HHLA1: variants seen among roughly 807,000 people sequenced by gnomAD.
HHLA1 encodes HHLA1 neighbor of OC90.
In HHLA1, 72 loss-of-function variants were observed where a neutral mutation model predicts 69.9. The observed-to-expected ratio is 1.03, with a 90% CI of 0.85 to 1.25. The LOEUF is 1.25. Among genes scored for constraint, HHLA1 ranks in the 50% most tolerant of loss-of-function variants. HHLA1 has a pLI of 0.00. For synonymous variants in HHLA1, 252 were observed against 233.2 expected (o/e 1.08, Z -0.73); for missense variants, 685 against 642.2 (o/e 1.07, Z -0.72).
intron 12 of HHLA1, among the ~76,000 whole-genome samples, chr8:132,077,277 A>C (rs1012354381): frequency 2.6e-5 from 4 of 152,180 alleles, no homozygotes; most frequent in Non-Finnish European, 4.4e-5. Context: ...CTTTGCAGGC[A>C]CACAAAGTGC....
chr8:132,089,045 A>G (rs1823904554), intron 8 of HHLA1, among the ~76,000 whole-genome samples: 1 of 152,172 alleles, frequency 6.6e-6, no homozygotes, highest in African/African-American at 2.4e-5. Flanking sequence ...GTGGGTCCCT[A>G]AGGAAATGTG....
chr8:132,076,639 A>G, intron 12 of HHLA1, 96 bp from the exon 13 acceptor site: 2 of 716,440 alleles, frequency 2.8e-6, no homozygotes, highest in Non-Finnish European at 2.1e-6. Flanking sequence ...TATCCAACCA[A>G]TGTTGGTTAA....
intron 14 of HHLA1, among the ~76,000 whole-genome samples, chr8:132,072,017 T>G (rs1056137842): frequency 6.6e-6 from 1 of 152,068 alleles, no homozygotes. Context: ...TGCATGTGTA[T>G]GTGAGTGCAA....
At chr8:132,076,907 T>C (rs148370286) in intron 12 of HHLA1, among the ~76,000 whole-genome samples, 2 of 152,070 alleles carry the variant, frequency 1.3e-5, no homozygotes, top group East Asian at 3.9e-4. Context: ...TTCATCTGAG[T>C]CTTAGTGTAC....
At chr8:132,095,201 A>T (rs1250914402) in intron 7 of HHLA1, among the ~76,000 whole-genome samples, 3 of 152,056 alleles carry the variant, frequency 2.0e-5, no homozygotes, top group African/African-American at 7.2e-5. Flanking sequence ...AAATTTGAGC[A>T]CTCTCACTCA....
At chr8:132,098,677 G>T (rs1824061393) in intron 5 of HHLA1, among the ~76,000 whole-genome samples, 1 of 151,796 alleles carries the variant, frequency 6.6e-6, no homozygotes, top group Admixed American at 6.6e-5. Context: ...GCCTAGGCTG[G>T]TCTCAAACTC....
At chr8:132,070,306 A>G in intron 15 of HHLA1, 2 of 701,818 alleles carry the variant, frequency 2.8e-6, no homozygotes, top group African/African-American at 3.5e-5. Flanking sequence ...CTTAATATAA[A>G]ACAGGTTCTG....
chr8:132,103,972 A>C (rs1205992616), intron 3 of HHLA1, 136 bp downstream of exon 3: 6 of 633,744 alleles, frequency 9.5e-6, no homozygotes, highest in Admixed American at 2.7e-5. Context: ...AGCTCACAGG[A>C]ACCATTGTTG....
At chr8:132,082,555 G>A (rs1823774465) in intron 10 of HHLA1, among the ~76,000 whole-genome samples, 1 of 152,084 alleles carries the variant, frequency 6.6e-6, no homozygotes, top group Admixed American at 6.6e-5. Flanking sequence ...AACAGATGAG[G>A]AAGAAATTTG....
At chr8:132,073,538 T>C (rs1823584634) in intron 14 of HHLA1, among the ~76,000 whole-genome samples, 1 of 152,170 alleles carries the variant, frequency 6.6e-6, no homozygotes, top group African/African-American at 2.4e-5. Context: ...ATCAGAAGTA[T>C]ACAGAAGAGG....
intron 15 of HHLA1, 27 bp downstream of exon 15, chr8:132,071,313 T>A: frequency 6.5e-7 from 1 of 1,540,862 alleles, no homozygotes; most frequent in Non-Finnish European, 8.8e-7. Context: ...ATATTCCATG[T>A]GAAAAGAAGC....
chr8:132,078,055 G>A (rs529077061), intron 11 of HHLA1, 84 bp from the exon 12 acceptor site: 19 of 1,431,158 alleles, frequency 1.3e-5, no homozygotes, highest in Admixed American at 6.1e-5. Context: ...ACATTGAAAC[G>A]TTATCAAAGG....
Position 132,065,873 on chromosome 8 carries a change from G to A in HHLA1, c.1552+13C>T. On this transcript the variant is annotated intron_variant, in intron 16 of 16. Transcript: ENST00000414222. ...CACTGCAAAGTTACAACATAGTCAA[G>A]CTGTGTACTTACTGTGCGAGTGGGA... 1 of 1,255,572 alleles carries A rather than the reference G, an allele frequency of 8.0e-7. No individual in the cohort carries two copies. The highest frequency in any genetic ancestry group is 1.5e-5 in the African/African-American group (1 of 64,962). The allele number at this position is 1,255,572 out of a possible 1,614,324, so 77.8% of individuals were successfully genotyped here. A position where few individuals can be genotyped will look rare whatever the true frequency, so the allele number is the denominator to read the frequency against.
rs111664609 is a variant in HHLA1, at chr8:132,089,187, A to G, written c.532+329T>C. 4.4e-3 allele frequency among the ~76,000 whole-genome samples: 669 copies of G among 152,128 alleles called. 3 individuals carry two copies. The highest frequency in any genetic ancestry group is 0.016 in the African/African-American group (645 of 41,470). ...GCACCAAACTTAAGCAAAATATTCA[A>G]CCTCTCTGGATCTCAGTTTTGTCCT... On this transcript the variant is annotated intron_variant, in intron 8 of 16. Transcript: ENST00000414222.
intron 1 of HHLA1, among the ~76,000 whole-genome samples, chr8:132,108,859 C>G (rs570785934): frequency 6.6e-6 from 1 of 152,238 alleles, no homozygotes; most frequent in South Asian, 2.1e-4. Flanking sequence ...ATTGGTTTCC[C>G]CATATATTTC....
chr8:132,072,848 G>C (rs1823571135), intron 14 of HHLA1, among the ~76,000 whole-genome samples: 1 of 151,646 alleles, frequency 6.6e-6, no homozygotes. Context: ...AATTATTTCT[G>C]TCCATAGCAA....
At position 132,080,249 on chromosome 8, in the gene HHLA1, C is replaced by T. The variant is rs1379034667; in HGVS notation, c.677-283G>A. Reference sequence around the variant, plus strand: ...GATACAACTAAATTTCATGTGCGTCCGTGTGAAGAGACCACCAAACAGGCT... The same window carrying T: ...GATACAACTAAATTTCATGTGCGTCTGTGTGAAGAGACCACCAAACAGGCT... On this transcript the variant is annotated intron_variant, in intron 10 of 16. Transcript: ENST00000414222. The T allele has an allele frequency of 3.0e-5, 14 of 470,140 alleles. No individual in the cohort carries two copies. In the East Asian group the frequency reaches 5.3e-4, roughly 18 times the overall value. The allele number at this position is 470,140 out of a possible 1,614,324, so 29.1% of individuals were successfully genotyped here.
At chr8:132,082,944 C>A (rs1823782702) in intron 10 of HHLA1, among the ~76,000 whole-genome samples, 1 of 151,384 alleles carries the variant, frequency 6.6e-6, no homozygotes, top group Admixed American at 6.6e-5. Context: ...TGATAACAGG[C>A]TTTAATCTTT....
intron 16 of HHLA1, among the ~76,000 whole-genome samples, chr8:132,064,568 A>T (rs971170907): frequency 1.3e-5 from 2 of 152,164 alleles, no homozygotes; most frequent in Non-Finnish European, 2.9e-5. Flanking sequence ...GAAGGTGATG[A>T]TAGGAAGAGA....
Sources: gnomAD v4.1 joint callset for allele counts (sites outside exome capture counted in the v4.1 genomes callset) on GRCh38, gnomAD v4.1.1 for gene constraint, MANE v1.5 for transcripts, NCBI Gene and HGNC (gene_info 2026-07-23, HGNC 2026-07-21) for gene names.